Variants in ACMSD observed in about 807,000 individuals in gnomAD.
ACMSD encodes 2-amino-3-carboxymuconate-6-semialdehyde decarboxylase.
In ACMSD, 37 loss-of-function variants were observed where a neutral mutation model predicts 45.9. That is an observed-to-expected ratio of 0.81 (90% CI 0.62 to 1.06). The LOEUF is 1.06. Ranked by LOEUF, ACMSD falls within the 50% of genes least tolerant of loss-of-function variation. The pLI is 0.00. For missense variants in ACMSD, 434 were observed against 420.9 expected (o/e 1.03, Z -0.27); for synonymous variants, 138 against 148.8 (o/e 0.93, Z 0.53).
At chr2:134,845,323 C>G in intron 2 of ACMSD, 46 bp downstream of exon 2, 1 of 1,610,130 alleles carries the variant, frequency 6.2e-7, no homozygotes, top group Non-Finnish European at 8.5e-7. Context: ...TCAGGGAGAG[C>G]TGAGCCATGG....
intron 8 of ACMSD, among the ~76,000 whole-genome samples, chr2:134,894,541 A>C (rs1689982758): frequency 6.6e-6 from 1 of 152,158 alleles, no homozygotes; most frequent in African/African-American, 2.4e-5. Flanking sequence ...AAATGTAAAA[A>C]AGAATTAAAA....
At chr2:134,876,709 T>C (rs1279926314) in intron 8 of ACMSD, among the ~76,000 whole-genome samples, 1 of 152,184 alleles carries the variant, frequency 6.6e-6, no homozygotes, top group Non-Finnish European at 1.5e-5. Flanking sequence ...AAGGATAACA[T>C]AGTAAATACA....
chr2:134,867,973 T>C (rs1433536532), intron 6 of ACMSD, among the ~76,000 whole-genome samples: 1 of 152,118 alleles, frequency 6.6e-6, no homozygotes, highest in East Asian at 1.9e-4. Flanking sequence ...AGGTAAGGTG[T>C]CCAGGTCACA....
At chr2:134,855,616 A>T (rs559345644) in intron 2 of ACMSD, among the ~76,000 whole-genome samples, 1 of 152,344 alleles carries the variant, frequency 6.6e-6, no homozygotes, top group East Asian at 1.9e-4. Flanking sequence ...GCTGAAGCAC[A>T]TCAATCTTGG....
chr2:134,856,589 A>T (rs1412363354), intron 2 of ACMSD, among the ~76,000 whole-genome samples: 2 of 152,238 alleles, frequency 1.3e-5, no homozygotes, highest in African/African-American at 2.4e-5. Flanking sequence ...AGTGAAGTTG[A>T]ACATTTTTTC....
rs1254189231 is a variant in ACMSD, at chr2:134,863,591, A to C, written c.446A>C (p.Glu149Ala). 6.2e-7 allele frequency: 1 copy of C among 1,614,162 alleles called. No homozygotes were observed. The highest frequency in any genetic ancestry group is 8.5e-7 in the Non-Finnish European group (1 of 1,180,012). ...GTCCAAATTGGCACCCACGTCAACGAGTGGGACCTGAACGCGCAGGAGCTC... is the reference window on the plus strand; with the variant it reads ...GTCCAAATTGGCACCCACGTCAACGCGTGGGACCTGAACGCGCAGGAGCTC... ...PGVQIGTHVN[E>A]WDLNAQELFP... Residue 149 changes from glutamate to alanine, a missense_variant, in exon 5 of 10, where the codon GAG (glutamate) becomes GCG (alanine). Coordinates refer to ENST00000356140, the MANE Select transcript of ACMSD (RefSeq NM_138326.3).
intron 8 of ACMSD, among the ~76,000 whole-genome samples, chr2:134,892,824 G>C (rs563005723): frequency 1.1e-4 from 17 of 152,294 alleles, no homozygotes; most frequent in Non-Finnish European, 1.9e-4. Flanking sequence ...AAATGAACAT[G>C]ATGTTGAGTA....
chr2:134,899,308 C>G (rs1340943594), intron 9 of ACMSD, among the ~76,000 whole-genome samples: 4 of 152,032 alleles, frequency 2.6e-5, no homozygotes, highest in African/African-American at 4.8e-5. Context: ...AAAATTCATT[C>G]TTCAGTATAC....
chr2:134,896,257 C>T (rs932015525), intron 8 of ACMSD, among the ~76,000 whole-genome samples: 5 of 152,106 alleles, frequency 3.3e-5, no homozygotes, highest in Admixed American at 1.3e-4. Context: ...AGTTTCTTTG[C>T]TATGGCACCA....
intron 1 of ACMSD, among the ~76,000 whole-genome samples, chr2:134,843,343 G>A (rs1319195536): frequency 1.3e-5 from 2 of 152,170 alleles, no homozygotes; most frequent in African/African-American, 4.8e-5. Context: ...ACAGAAGATA[G>A]ATTTCTAAAG....
At chr2:134,856,285 T>C (rs1442129072) in intron 2 of ACMSD, among the ~76,000 whole-genome samples, 1 of 152,190 alleles carries the variant, frequency 6.6e-6, no homozygotes, top group African/African-American at 2.4e-5. Flanking sequence ...GAACAAGAAT[T>C]TGAATTCAGG....
chr2:134,846,883 G>A (rs1439512925), intron 2 of ACMSD, among the ~76,000 whole-genome samples: 1 of 152,182 alleles, frequency 6.6e-6, no homozygotes. Flanking sequence ...ATAAAGCAGC[G>A]ATGTGATAGA....
intron 1 of ACMSD, among the ~76,000 whole-genome samples, chr2:134,840,167 CAAAAA>C (rs1158518481): frequency 0.014 from 333 of 23,410 alleles, 1 homozygote; most frequent in African/African-American, 0.039. Flanking sequence ...CTATACCTAG[CAAAAA>C]AAAAAAAAAA....
intron 8 of ACMSD, among the ~76,000 whole-genome samples, chr2:134,890,893 A>C (rs1689745843): frequency 6.6e-6 from 1 of 152,096 alleles, no homozygotes. Context: ...GTTAGTGAAT[A>C]AAAAATAGGA....
chr2:134,886,622 T>TA lies in ACMSD; in HGVS notation c.850-11711dup, dbSNP rs200688530. Among the ~76,000 whole-genome samples, 148 of 151,944 alleles carry TA rather than the reference T, an allele frequency of 9.7e-4. No individual in the cohort carries two copies. The East Asian group carries it at 9.9e-3, about 10-fold the overall frequency. ...TTCCTCAATCTGATAGAGATTGTCA[T>TA]AAAAAAAATCATAGCTATCCCCATA... On this transcript the variant is annotated intron_variant, in intron 8 of 9. Coordinates refer to ENST00000356140, the MANE Select transcript of ACMSD (RefSeq NM_138326.3).
chr2:134,875,673 C>G (rs1382414791), intron 8 of ACMSD, among the ~76,000 whole-genome samples: 1 of 152,172 alleles, frequency 6.6e-6, no homozygotes, highest in Non-Finnish European at 1.5e-5. Flanking sequence ...TATTGCCTCC[C>G]TATATTAACA....
At chr2:134,870,132 G>A (rs1688358234) in intron 6 of ACMSD, among the ~76,000 whole-genome samples, 1 of 152,216 alleles carries the variant, frequency 6.6e-6, no homozygotes, top group Non-Finnish European at 1.5e-5. Flanking sequence ...AGAAGGTGCA[G>A]GGCACAGCTG....
intron 9 of ACMSD, among the ~76,000 whole-genome samples, chr2:134,900,175 G>C (rs891937026): frequency 2.0e-5 from 3 of 152,162 alleles, no homozygotes; most frequent in African/African-American, 7.2e-5. Flanking sequence ...GCCTTCTACA[G>C]TTTCTCTTAC....
chr2:134,858,194 TC>T (rs533765522), intron 2 of ACMSD, among the ~76,000 whole-genome samples: 326 of 152,310 alleles, frequency 2.1e-3, no homozygotes, highest in African/African-American at 7.5e-3. Flanking sequence ...GGAATACTAT[TC>T]AGCCTTTATA....
Sources: allele counts gnomAD v4.1 joint callset (sites outside exome capture counted in the v4.1 genomes callset), GRCh38; gene constraint gnomAD v4.1.1; transcripts MANE v1.5; gene names NCBI Gene and HGNC (gene_info 2026-07-23, HGNC 2026-07-21).